Variants in VSTM4 observed in about 807,000 individuals in gnomAD.
VSTM4 encodes the protein V-set and transmembrane domain containing 4.
A neutral mutation model predicts 36.4 loss-of-function variants in VSTM4; 20 were observed. That is an observed-to-expected ratio of 0.55 (90% CI 0.39 to 0.80). The LOEUF (loss-of-function observed/expected upper bound fraction) is 0.80, where lower values mean the gene tolerates loss of function less well. VSTM4 is among the 30% of genes least tolerant of loss of function. The pLI, the probability that VSTM4 is intolerant of heterozygous loss-of-function variation, is 0.00. For synonymous variants in VSTM4, 182 were observed against 173.9 expected, an observed-to-expected ratio of 1.05 and a Z score of -0.37; for missense variants, 392 against 404.5, an observed-to-expected ratio of 0.97 and a Z score of 0.26.
chr10:49,062,507 C>T (rs1394009670), intron 5 of VSTM4, among the ~76,000 whole-genome samples: 1 of 152,194 alleles, frequency 6.6e-6, no homozygotes, highest in East Asian at 1.9e-4. Flanking sequence ...TTCTGCCCTT[C>T]ATGGATTCAG....
chr10:49,056,508 C>T (rs1464314981), intron 5 of VSTM4, among the ~76,000 whole-genome samples: 1 of 152,252 alleles, frequency 6.6e-6, no homozygotes, highest in Non-Finnish European at 1.5e-5. Flanking sequence ...GTTGTGCCTG[C>T]TGGTTAGGAA....
At chr10:49,043,461 G>A (rs117339854) in intron 7 of VSTM4, among the ~76,000 whole-genome samples, 1 of 152,276 alleles carries the variant, frequency 6.6e-6, no homozygotes, top group East Asian at 1.9e-4. Flanking sequence ...TTTATGTTCA[G>A]CAATACAGGA....
At chr10:49,072,450 C>T (rs924502204) in intron 4 of VSTM4, among the ~76,000 whole-genome samples, 38 of 152,336 alleles carry the variant, frequency 2.5e-4, no homozygotes, top group Admixed American at 2.2e-3. Flanking sequence ...CCTTAATCCT[C>T]CTCAAACTTG....
chr10:49,068,814 G>A (rs1302045953), intron 4 of VSTM4, among the ~76,000 whole-genome samples: 1 of 152,174 alleles, frequency 6.6e-6, no homozygotes, highest in Non-Finnish European at 1.5e-5. Context: ...AATAAAGGGT[G>A]CGTAATGGAG....
intron 7 of VSTM4, among the ~76,000 whole-genome samples, chr10:49,021,491 G>A (rs559657788): frequency 1.6e-4 from 24 of 151,970 alleles, no homozygotes; most frequent in African/African-American, 5.3e-4. Flanking sequence ...CATATTAAAG[G>A]GATTTGCAAT....
At chr10:49,023,752 C>T (rs1479832745) in intron 7 of VSTM4, among the ~76,000 whole-genome samples, 1 of 152,196 alleles carries the variant, frequency 6.6e-6, no homozygotes, top group Non-Finnish European at 1.5e-5. Flanking sequence ...TTCAAAATGA[C>T]TCTCTTCAAG....
Position 49,017,368 on chromosome 10 carries a change from A to G in VSTM4, c.*2282T>C, listed in dbSNP as rs1362699401. On this transcript the variant is annotated 3_prime_UTR_variant, in exon 8 of 8. Coordinates refer to ENST00000332853, the MANE Select transcript of VSTM4 (RefSeq NM_001031746.5). Reference sequence around the variant, plus strand: ...CATAGCTTCCAAGATTCCCCTGGGCAGCATTTTCAGTAGGAGGAGATAATC... The same window carrying G: ...CATAGCTTCCAAGATTCCCCTGGGCGGCATTTTCAGTAGGAGGAGATAATC... 6.6e-6 allele frequency: 1 copy of G among 152,280 alleles called. No homozygotes were observed. Among genetic ancestry groups the G allele is most frequent in the Non-Finnish European group, 1.5e-5 (1 of 68,076 alleles). The allele number at this position is 152,280 out of a possible 1,614,324, so 9.4% of individuals were successfully genotyped here.
At chr10:49,050,785 G>T (rs905025030) in intron 5 of VSTM4, among the ~76,000 whole-genome samples, 3 of 152,274 alleles carry the variant, frequency 2.0e-5, no homozygotes, top group East Asian at 1.9e-4. Flanking sequence ...TTTAAAAAGG[G>T]TAATTACAGG....
intron 7 of VSTM4, among the ~76,000 whole-genome samples, chr10:49,033,830 C>T (rs560958627): frequency 6.6e-6 from 1 of 152,330 alleles, no homozygotes; most frequent in South Asian, 2.1e-4. Context: ...AGCACTGGAA[C>T]AGTGTCTGCA....
At chr10:49,061,943 C>T (rs549783198) in intron 5 of VSTM4, among the ~76,000 whole-genome samples, 1 of 152,174 alleles carries the variant, frequency 6.6e-6, no homozygotes, top group Non-Finnish European at 1.5e-5. Context: ...CTGTAATTCT[C>T]ATTCCTCTGT....
chr10:49,046,567 G>A (rs188427834), intron 7 of VSTM4, among the ~76,000 whole-genome samples: 1 of 152,298 alleles, frequency 6.6e-6, no homozygotes. Flanking sequence ...AAGGTACATG[G>A]GACCACTCTG....
At position 49,066,498 on chromosome 10, in the gene VSTM4, TA is replaced by T. The variant is rs1843976433; in HGVS notation, c.635-1763del. Among the ~76,000 whole-genome samples, 3 of 152,208 alleles carry T rather than the reference TA, an allele frequency of 2.0e-5. No homozygotes were observed. In the South Asian group the frequency reaches 6.2e-4, roughly 31 times the overall value. On this transcript the variant is annotated intron_variant, in intron 4 of 7. Transcript: ENST00000332853. ...TTGACATATACCTTGGAAGTAGTTC[TA>T]AAAATTGAGGAGTATAAGAAAATTT...
At chr10:49,093,086 T>C (rs1409879521) in intron 2 of VSTM4, among the ~76,000 whole-genome samples, 1 of 152,086 alleles carries the variant, frequency 6.6e-6, no homozygotes, top group Non-Finnish European at 1.5e-5. Flanking sequence ...ATCTGATTCT[T>C]CCAGTACACC....
intron 7 of VSTM4, among the ~76,000 whole-genome samples, chr10:49,038,792 G>A (rs1293210862): frequency 1.3e-5 from 2 of 152,048 alleles, no homozygotes; most frequent in African/African-American, 4.8e-5. Context: ...AAATTGGCTT[G>A]AGGACCCCCG....
chr10:49,032,081 CA>C (rs766956040), intron 7 of VSTM4, among the ~76,000 whole-genome samples: 1 of 152,040 alleles, frequency 6.6e-6, no homozygotes, highest in Non-Finnish European at 1.5e-5. Context: ...CTACTGCTCT[CA>C]GAGCACATAT....
intron 1 of VSTM4, among the ~76,000 whole-genome samples, chr10:49,108,714 A>G (rs1167630777): frequency 1.3e-5 from 2 of 152,204 alleles, no homozygotes; most frequent in Non-Finnish European, 2.9e-5. Context: ...CCAACAACCC[A>G]AAAGACACTT....
At chr10:49,056,086 C>T (rs1843774200) in intron 5 of VSTM4, among the ~76,000 whole-genome samples, 1 of 152,248 alleles carries the variant, frequency 6.6e-6, no homozygotes, top group South Asian at 2.1e-4. Context: ...ATAAATGCTA[C>T]TCCTTTGTGA....
intron 5 of VSTM4, among the ~76,000 whole-genome samples, chr10:49,058,857 G>A (rs1458465460): frequency 6.6e-6 from 1 of 152,078 alleles, no homozygotes; most frequent in Admixed American, 6.6e-5. Flanking sequence ...CTTTTTGTCT[G>A]TTCCCCCTTA....
intron 3 of VSTM4, among the ~76,000 whole-genome samples, chr10:49,079,615 A>G (rs1264954929): frequency 6.6e-6 from 1 of 152,166 alleles, no homozygotes; most frequent in Admixed American, 6.5e-5. Flanking sequence ...GAAAGATAAA[A>G]ATGCACACAC....
Sources: allele counts gnomAD v4.1 joint callset (sites outside exome capture counted in the v4.1 genomes callset), GRCh38; gene constraint gnomAD v4.1.1; transcripts MANE v1.5; gene names NCBI Gene and HGNC (gene_info 2026-07-23, HGNC 2026-07-21).